The following MCM7 variants were observed in gnomAD, a reference collection of about 807,000 sequenced individuals.
The protein encoded by MCM7 is minichromosome maintenance complex component 7, also known as DNA replication licensing factor MCM7.
In MCM7, 95 loss-of-function variants were observed where a neutral mutation model predicts 83.5. The observed-to-expected ratio is 1.14, with a 90% CI of 0.96 to 1.35. The LOEUF (loss-of-function observed/expected upper bound fraction) is 1.35. Among genes scored for constraint, MCM7 ranks in the 40% most tolerant of loss-of-function variants. The pLI is 0.00. For missense variants in MCM7, 1,087 were observed against 957.4 expected (o/e 1.14, Z -1.79); for synonymous variants, 461 against 352.7 (o/e 1.31, Z -3.44).
intron 1 of MCM7, chr7:100,100,376 C>T: frequency 9.1e-7 from 1 of 1,101,346 alleles, no homozygotes; most frequent in Non-Finnish European, 1.1e-6. Context: ...GTTGGCCCCT[C>T]ACACTCCGGT....
At chr7:100,098,828 A>G (rs1241293576) in intron 5 of MCM7, 113 bp from the exon 6 acceptor site, 2 of 1,439,220 alleles carry the variant, frequency 1.4e-6, no homozygotes, top group African/African-American at 2.8e-5. Context: ...AGTGTCAAGA[A>G]CCCTCTGAAC....
chr7:100,099,802 T>C, intron 2 of MCM7, 49 bp from the exon 3 acceptor site: 2 of 1,603,038 alleles, frequency 1.2e-6, no homozygotes, highest in Non-Finnish European at 1.7e-6. Context: ...TTCACTTTGC[T>C]CACCAGTGTT....
chr7:100,101,212 TC>T, intron 1 of MCM7, 51 bp downstream of exon 1: 1 of 1,608,418 alleles, frequency 6.2e-7, no homozygotes, highest in Non-Finnish European at 8.5e-7. Context: ...CAACAGGTGT[TC>T]CCCGGGAGGC....
Position 100,095,793 on chromosome 7 carries a change from C to G in MCM7, c.1576G>C (p.Asp526His). Residue 526 changes from aspartate to histidine, a missense_variant, in exon 11 of 15, where the codon GAC becomes CAC. Transcript: ENST00000303887. ...ATTCACCGTAGGTCATTGTCTCGGTCGGGCCGGTCCTGAATCAGCCAGAGG... is the reference window on the plus strand; with the variant it reads ...ATTCACCGTAGGTCATTGTCTCGGTGGGGCCGGTCCTGAATCAGCCAGAGG... ...DLLWLIQDRP[D>H]RDNDLRLAQH... 1 of 1,586,508 alleles carries G rather than the reference C, an allele frequency of 6.3e-7. No homozygotes were observed. The highest frequency in any genetic ancestry group is 1.3e-5 in the African/African-American group (1 of 74,692).
At position 100,099,766 on chromosome 7, in the gene MCM7, A is replaced by G; in HGVS notation, c.112-13T>C. 1 of 1,613,346 alleles carries G rather than the reference A, an allele frequency of 6.2e-7. No individual in the cohort carries two copies. The highest frequency in any genetic ancestry group is 8.5e-7 in the Non-Finnish European group (1 of 1,179,810). On this transcript the variant is annotated splice_polypyrimidine_tract_variant and intron_variant, in intron 2 of 14. Transcript: ENST00000303887. ...GAGCCAGCCGAACCTCAAGTGGGGAAGAGACAGAAACACCTCAGAGCCACA... is the reference window on the plus strand; with the variant it reads ...GAGCCAGCCGAACCTCAAGTGGGGAGGAGACAGAAACACCTCAGAGCCACA...
At chr7:100,094,024 T>G (rs1405039945) in intron 13 of MCM7, 149 bp downstream of exon 13, 1 of 995,352 alleles carries the variant, frequency 1.0e-6, no homozygotes. Flanking sequence ...CACAGTGCGG[T>G]AGCACGGAGA....
intron 13 of MCM7, 103 bp from the exon 14 acceptor site, chr7:100,093,504 C>G (rs375133571): frequency 1.9e-6 from 2 of 1,031,220 alleles, no homozygotes; most frequent in Non-Finnish European, 3.1e-6. Context: ...GCCCATGGGT[C>G]GCCTACTCAC....
chr7:100,100,300 C>T, intron 1 of MCM7: 3 of 1,314,494 alleles, frequency 2.3e-6, no homozygotes, highest in Non-Finnish European at 2.9e-6. Flanking sequence ...GTGCACAGGG[C>T]CATCCAACAT....
At chr7:100,093,561 G>A (rs1330689938) in intron 13 of MCM7, 160 bp from the exon 14 acceptor site, 1 of 799,066 alleles carries the variant, frequency 1.3e-6, no homozygotes, top group Admixed American at 1.7e-5. Context: ...GCAGTGTTGG[G>A]CCGGCACTGT....
intron 1 of MCM7, 194 bp from the exon 2 acceptor site, chr7:100,100,287 G>A (rs1292642987): frequency 1.5e-6 from 2 of 1,358,566 alleles, no homozygotes; most frequent in Non-Finnish European, 1.9e-6. Context: ...AGAGCCCGTG[G>A]CAGTGCACAG....
chr7:100,100,235 T>G, intron 1 of MCM7, 142 bp from the exon 2 acceptor site: 1 of 1,428,078 alleles, frequency 7.0e-7, no homozygotes, highest in Non-Finnish European at 9.2e-7. Context: ...AAAGTGGGCA[T>G]AACTCTTTTT....
At position 100,095,828 on chromosome 7, in the gene MCM7, C is replaced by T. The variant is rs780176442; in HGVS notation, c.1541G>A (p.Arg514Gln). The part of the protein sequence containing the change: ...NIQLPAALLS[R>Q]FDLLWLIQDR... ...CTGAATCAGCCAGAGGAGGTCAAACCGGGAGAGCAGTGCAGCAGGTAGCTG... is the reference window on the plus strand; with the variant it reads ...CTGAATCAGCCAGAGGAGGTCAAACTGGGAGAGCAGTGCAGCAGGTAGCTG... The change falls in exon 11 of 15, where the codon CGG becomes CAG. Residue 514 changes from arginine (R) to glutamine (Q), a missense_variant. By Grantham distance (43) the Arg-to-Gln change is conservative. Transcript: ENST00000303887. 2 of 1,607,572 alleles carry T rather than the reference C, an allele frequency of 1.2e-6. No individual in the cohort carries two copies. Among genetic ancestry groups the T allele is most frequent in the Non-Finnish European group, 1.7e-6 (2 of 1,177,256 alleles).
Position 100,094,304 on chromosome 7 carries a change from C to A in MCM7, c.1717G>T (p.Val573Leu). The A allele has an allele frequency of 6.2e-7, 1 of 1,614,170 alleles. No homozygotes were observed. The highest frequency in any genetic ancestry group is 1.1e-5 in the South Asian group (1 of 91,084). Residue 573 changes from valine (V) to leucine (L), a missense_variant, in exon 13 of 15, where the codon GTG becomes TTG. Val to Leu is a conservative substitution (Grantham distance 32). Transcript: ENST00000303887. ...ATGTAGTCAGCCAGAGACTCTGGCA[C>A]CATGGGCTGCTTCTCGCGGCACATG... ...IAMCREKQPM[V>L]PESLADYITA...
rs752264059 is a variant in MCM7 at position 100,095,884 on chromosome 7, G to T, written c.1485C>A (p.Tyr495Ter). The T allele has an allele frequency of 1.2e-6, 2 of 1,613,746 alleles. No individual in the cohort carries two copies. The highest frequency in any genetic ancestry group is 1.3e-5 in the African/African-American group (1 of 74,944). ...TCTGCTCCAGGCTGCGGCGAGGGTT[G>T]TAGCGCCCGTAGGCAGGGTTGGCGG... ...LAAANPAYGR[Y>*]NPRRSLEQNI... Residue 495 changes from tyrosine to a stop codon, truncating the protein, a stop_gained, in exon 11 of 15, where the codon TAC (tyrosine) becomes TAA (stop). Coordinates refer to ENST00000303887, the MANE Select transcript of MCM7 (RefSeq NM_005916.5). LOFTEE classifies it high-confidence loss of function.
In MCM7 at chr7:100,100,443, C is replaced by G. The variant is rs892557254; in HGVS notation, c.32-350G>C. The G allele has an allele frequency of 3.0e-6, 3 of 1,008,500 alleles. No individual in the cohort carries two copies. In the African/African-American group the frequency reaches 5.2e-5, roughly 18 times the overall value. The allele number at this position is 1,008,500 out of a possible 1,614,324, so 62.5% of individuals were successfully genotyped here. On this transcript the variant is annotated intron_variant, in intron 1 of 14. Coordinates refer to ENST00000303887, the MANE Select transcript of MCM7 (RefSeq NM_005916.5). ...TGATCCCCCGCCTTCTTTGGGTCCC[C>G]TTAGCCCCTGATTTCACCGGGACCT... is the stretch of plus-strand genomic sequence containing the variant.
chr7:100,100,774 C>G (rs1003006793), intron 1 of MCM7: 1 of 992,398 alleles, frequency 1.0e-6, no homozygotes, highest in African/African-American at 1.7e-5. Context: ...AGCCTCCTCG[C>G]GCCACTTCCG....
At chr7:100,094,711 C>G (rs1208051357) in intron 12 of MCM7, among the ~76,000 whole-genome samples, 1 of 152,058 alleles carries the variant, frequency 6.6e-6, no homozygotes, top group African/African-American at 2.4e-5. Context: ...GGAGTAAAAA[C>G]CGGAAAGAAC....
chr7:100,098,394 C>A, intron 6 of MCM7, 104 bp from the exon 7 acceptor site: 3 of 1,513,090 alleles, frequency 2.0e-6, no homozygotes, highest in South Asian at 1.2e-5. Context: ...CAGCCACAGA[C>A]AAGCCCACAG....
chr7:100,094,209 CCGGGCAGAAG>C lies in MCM7; in HGVS notation c.1802_1811del (p.Thr601ArgfsTer16). On this transcript the variant is annotated frameshift_variant, in exon 13 of 15. Coordinates refer to ENST00000303887, the MANE Select transcript of MCM7 (RefSeq NM_005916.5). LOFTEE classifies it high-confidence loss of function. ...AAAGGCGCAGGATAGCCAGCAGGGT[CCGGGCAGAAG>C]TATAGGTGGCATCCTTACTAGCCCA... is the stretch of plus-strand genomic sequence containing the variant. 2 of 1,614,212 alleles carry C rather than the reference CCGGGCAGAAG, an allele frequency of 1.2e-6. No homozygotes were observed. Among genetic ancestry groups the C allele is most frequent in the Non-Finnish European group, 1.7e-6 (2 of 1,180,044 alleles).
Sources: allele counts gnomAD v4.1 joint callset (sites outside exome capture counted in the v4.1 genomes callset), GRCh38; gene constraint gnomAD v4.1.1; transcripts MANE v1.5; gene names NCBI Gene and HGNC (gene_info 2026-07-23, HGNC 2026-07-21).